Variants in CTNNA3 observed in about 807,000 individuals in gnomAD.
CTNNA3 encodes the protein catenin alpha-3.
CTNNA3 carries 76 observed loss-of-function variants against 95.7 expected under a neutral mutation model. The observed-to-expected ratio is 0.79, with a 90% CI of 0.66 to 0.96. The LOEUF (loss-of-function observed/expected upper bound fraction) is 0.96. Ranked by LOEUF, CTNNA3 falls within the 40% of genes least tolerant of loss-of-function variation. The probability of loss-of-function intolerance (pLI) is 0.00; values close to 1 mark genes in which losing one functional copy is unlikely to be tolerated. For synonymous variants in CTNNA3, 431 were observed against 374.4 expected (o/e 1.15, Z -1.74); for missense variants, 1,191 against 1,089.8 (o/e 1.09, Z -1.31).
At chr10:66,926,682 T>G (rs1462296772) in intron 7 of CTNNA3, 221 of 1,386,778 alleles carry the variant, frequency 1.6e-4, no homozygotes, top group Non-Finnish European at 2.2e-4. Context: ...TTTTAGAGAT[T>G]ACCTTGCTCT....
intron 5 of CTNNA3, among the ~76,000 whole-genome samples, chr10:67,452,017 T>C (rs1174002274): frequency 8.7e-6 from 1 of 114,466 alleles, no homozygotes; most frequent in Non-Finnish European, 1.7e-5. Context: ...GAAGGAAGAA[T>C]AGGAAGAGGG....
intron 2 of CTNNA3, among the ~76,000 whole-genome samples, chr10:67,608,818 C>G (rs1282705587): frequency 6.6e-6 from 1 of 152,140 alleles, no homozygotes; most frequent in Non-Finnish European, 1.5e-5. Flanking sequence ...TGGCCAGGGG[C>G]AGTGGCTCAT....
At chr10:66,692,363 C>T (rs1428421144) in intron 9 of CTNNA3, among the ~76,000 whole-genome samples, 2 of 151,896 alleles carry the variant, frequency 1.3e-5, no homozygotes, top group Admixed American at 6.6e-5. Flanking sequence ...AGGGTATCAG[C>T]AATGGAAGAT....
At chr10:65,996,652 C>G (rs1263443381) in intron 15 of CTNNA3, among the ~76,000 whole-genome samples, 1 of 152,088 alleles carries the variant, frequency 6.6e-6, no homozygotes, top group African/African-American at 2.4e-5. Context: ...CCTGTGGTAG[C>G]CTTATGGTCT....
chr10:67,761,706 A>G (rs973077129), intron 1 of CTNNA3, among the ~76,000 whole-genome samples: 4 of 152,018 alleles, frequency 2.6e-5, no homozygotes, highest in African/African-American at 9.7e-5. Context: ...GTGAAACCCC[A>G]TCTCTACCAA....
chr10:66,747,586 T>G lies in CTNNA3; in HGVS notation c.1281+18678A>C, dbSNP rs149594252. ...CTACCTTCCAGTCATAACTCAGATC[T>G]AATCTTTCTTAGCTCCCCGCAGAAA... On this transcript the variant is annotated intron_variant, in intron 9 of 17. Coordinates refer to ENST00000433211, the MANE Select transcript of CTNNA3 (RefSeq NM_013266.4). 3.4e-3 allele frequency among the ~76,000 whole-genome samples: 524 copies of G among 152,310 alleles called. 2 individuals carry two copies. The highest frequency in any genetic ancestry group is 8.7e-3 in the African/African-American group (362 of 41,574).
intron 5 of CTNNA3, among the ~76,000 whole-genome samples, chr10:67,382,723 T>C (rs1843994150): frequency 6.6e-6 from 1 of 152,178 alleles, no homozygotes; most frequent in Non-Finnish European, 1.5e-5. Flanking sequence ...ATTTGACTCA[T>C]GGTTTATTTG....
chr10:67,757,763 T>G (rs1841441612), intron 1 of CTNNA3, among the ~76,000 whole-genome samples: 1 of 152,214 alleles, frequency 6.6e-6, no homozygotes, highest in East Asian at 1.9e-4. Context: ...ACCACTGGCT[T>G]CCTTGCTCCT....
chr10:67,114,655 G>A (rs1221374995), intron 7 of CTNNA3, among the ~76,000 whole-genome samples: 2 of 150,678 alleles, frequency 1.3e-5, no homozygotes, highest in Non-Finnish European at 2.9e-5. Context: ...CTAATCCTAA[G>A]TACTTAAAGA....
intron 9 of CTNNA3, among the ~76,000 whole-genome samples, chr10:66,681,893 A>T (rs1262727141): frequency 6.6e-6 from 1 of 152,122 alleles, no homozygotes; most frequent in Non-Finnish European, 1.5e-5. Flanking sequence ...TTTTAATGGA[A>T]ATTTATTGCT....
At chr10:65,931,135 A>T (rs1203023191) in intron 17 of CTNNA3, among the ~76,000 whole-genome samples, 1 of 152,166 alleles carries the variant, frequency 6.6e-6, no homozygotes. Flanking sequence ...CATTGGCTCT[A>T]TTACTAAATT....
intron 5 of CTNNA3, among the ~76,000 whole-genome samples, chr10:67,385,920 C>T (rs533807559): frequency 6.6e-5 from 10 of 151,498 alleles, no homozygotes; most frequent in Middle Eastern, 3.5e-3. Flanking sequence ...AGCCTGTGCA[C>T]GGGAGCTTTA....
At position 66,621,677 on chromosome 10, in the gene CTNNA3, A is replaced by G. The variant is rs1339148645; in HGVS notation, c.1374+15T>C. The G allele has an allele frequency of 6.8e-7, 1 of 1,467,324 alleles. No homozygotes were observed. The highest frequency in any genetic ancestry group is 9.4e-7 in the Non-Finnish European group (1 of 1,058,682). 90.9% of individuals were successfully genotyped at this position (1,467,324 alleles called of 1,614,324 possible). On this transcript the variant is annotated intron_variant, in intron 10 of 17. Coordinates refer to ENST00000433211, the MANE Select transcript of CTNNA3 (RefSeq NM_013266.4). ...TATATAATTTTACACACAAAAAGTA[A>G]CTTAGTTGTCATACCTGTGGACACA...
intron 9 of CTNNA3, among the ~76,000 whole-genome samples, chr10:66,762,920 G>A (rs931505980): frequency 1.3e-5 from 2 of 151,824 alleles, no homozygotes; most frequent in Non-Finnish European, 2.9e-5. Context: ...AGATTTCTCT[G>A]ACAAACATGG....
At position 66,927,135 on chromosome 10, in the gene CTNNA3, T is replaced by C; in HGVS notation, c.1048-151611A>G. The stretch of plus-strand genomic sequence containing the variant: ...GTTTGTCCCTTCGCTATAACAGCCT[T>C]CAAAAACTTAAGTATAATCAATTTA... On this transcript the variant is annotated intron_variant, in intron 7 of 17. Coordinates refer to ENST00000433211, the MANE Select transcript of CTNNA3 (RefSeq NM_013266.4). This position sits in a 1 kb window ranked among gnomAD's most constrained non-coding sequence, Gnocchi z 4.7. 1 of 1,614,176 alleles carries C rather than the reference T, an allele frequency of 6.2e-7. No homozygotes were observed. Among genetic ancestry groups the C allele is most frequent in the Non-Finnish European group, 8.5e-7 (1 of 1,180,030 alleles).
intron 5 of CTNNA3, among the ~76,000 whole-genome samples, chr10:67,317,888 A>G (rs935193660): frequency 7.3e-6 from 1 of 137,326 alleles, no homozygotes; most frequent in Non-Finnish European, 1.6e-5. Context: ...TTATTTTTAT[A>G]GCCCTTGTGA....
intron 2 of CTNNA3, among the ~76,000 whole-genome samples, chr10:67,619,781 T>C (rs747749268): frequency 6.6e-5 from 10 of 152,210 alleles, no homozygotes; most frequent in Non-Finnish European, 1.3e-4. Flanking sequence ...GAGGAATTTT[T>C]ATTCCATTTA....
chr10:65,958,404 T>C (rs577734324), intron 17 of CTNNA3, among the ~76,000 whole-genome samples: 1 of 152,324 alleles, frequency 6.6e-6, no homozygotes, highest in Non-Finnish European at 1.5e-5. Flanking sequence ...GTCAAAGTCA[T>C]TCCCCGTCCA....
chr10:67,350,767 C>T (rs10762166), intron 5 of CTNNA3, among the ~76,000 whole-genome samples: 131,723 of 151,312 alleles, frequency 0.87, 58,965 homozygotes, highest in East Asian at 1. Flanking sequence ...AATGGCATAG[C>T]CCTGTGAAAA....
Sources: allele counts gnomAD v4.1 joint callset (sites outside exome capture counted in the v4.1 genomes callset), GRCh38; gene constraint gnomAD v4.1.1; non-coding constraint Gnocchi (gnomAD v3.1); transcripts MANE v1.5; gene names NCBI Gene and HGNC (gene_info 2026-07-23, HGNC 2026-07-21).